The following NFIB variants were observed in gnomAD, a reference collection of about 807,000 sequenced individuals.
The protein encoded by NFIB is nuclear factor 1 B-type.
Under a neutral mutation model 61.5 loss-of-function variants are expected in NFIB, and 11 were observed. That is an observed-to-expected ratio of 0.18 (90% CI 0.11 to 0.30). The LOEUF is 0.30. Among genes scored for constraint, NFIB ranks in the 10% least tolerant of loss-of-function variants. NFIB has a pLI of 1.00. For missense variants in NFIB, 471 were observed against 608.9 expected (o/e 0.77, Z 2.38); for synonymous variants, 260 against 216.5 (o/e 1.20, Z -1.76).
upstream of NFIB, among the ~76,000 whole-genome samples, chr9:14,318,589 C>A (rs530145822): frequency 2.1e-5 from 3 of 145,472 alleles, no homozygotes; most frequent in African/African-American, 7.7e-5. Flanking sequence ...GGCTGCATCA[C>A]CAATATCAAT....
At chr9:14,275,707 T>C (rs2057952312) in intron 2 of NFIB, among the ~76,000 whole-genome samples, 2 of 152,222 alleles carry the variant, frequency 1.3e-5, no homozygotes, top group Middle Eastern at 6.8e-3. Flanking sequence ...TAAAACTAAG[T>C]CTGCAGGAGA....
the NFIB span, among the ~76,000 whole-genome samples, chr9:14,523,495 C>A: frequency 2.0e-5 from 3 of 151,986 alleles, no homozygotes; most frequent in Admixed American, 6.6e-5. Context: ...TGTTAAAATG[C>A]CAGCCCATGC....
chr9:14,141,902 C>CA (rs1207435536), intron 6 of NFIB, among the ~76,000 whole-genome samples: 9,899 of 53,722 alleles, frequency 0.18, 722 homozygotes, highest in South Asian at 0.25. Flanking sequence ...CTGCTGCTCA[C>CA]AAAAAAAAAA....
At position 14,155,943 on chromosome 9, in the gene NFIB, A is replaced by G. The variant is rs748269895; in HGVS notation, c.617-50T>C. 7.1e-6 allele frequency: 8 copies of G among 1,125,200 alleles called. No individual in the cohort carries two copies. In the African/African-American group the frequency reaches 1.1e-4, roughly 16 times the overall value. 69.7% of individuals were successfully genotyped at this position (1,125,200 alleles called of 1,614,324 possible). A position where few individuals can be genotyped will look rare whatever the true frequency, so the allele number is the denominator to read the frequency against. On this transcript the variant is annotated intron_variant, in intron 3 of 10. Coordinates refer to ENST00000380953, the MANE Select transcript of NFIB (RefSeq NM_001190737.2). ...ATGATCAATATAAGCAGAAAGTAAA[A>G]TAAATGATTATACACTAGAATTTAA...
intron 10 of NFIB, among the ~76,000 whole-genome samples, chr9:14,111,032 A>G (rs2037278105): frequency 6.6e-6 from 1 of 152,156 alleles, no homozygotes; most frequent in Non-Finnish European, 1.5e-5. Flanking sequence ...AGTATTAACT[A>G]TAGTTGACTG....
chr9:14,339,594 A>G (rs2060926170), intron 1 of NFIB, among the ~76,000 whole-genome samples: 1 of 152,184 alleles, frequency 6.6e-6, no homozygotes. Flanking sequence ...TGCAAATATC[A>G]TTAGCTATTG....
rs980945408 is a variant in NFIB, at chr9:14,314,092, T to C, written c.-581A>G. 3 of 1,042,294 alleles carry C rather than the reference T, an allele frequency of 2.9e-6. No individual in the cohort carries two copies. In the African/African-American group the frequency reaches 5.1e-5, roughly 18 times the overall value. 64.6% of individuals were successfully genotyped at this position (1,042,294 alleles called of 1,614,324 possible). ...CGGAGTGGTGATCGCAGGCGAAACT[T>C]TGCCGCGAGCCGACCATGTGTGTGC... is the stretch of plus-strand genomic sequence containing the variant. On this transcript the variant is annotated 5_prime_UTR_variant, in exon 1 of 11. Coordinates refer to ENST00000380953, the MANE Select transcript of NFIB (RefSeq NM_001190737.2).
At chr9:14,495,446 CTTT>C in the NFIB span, among the ~76,000 whole-genome samples, 3 of 117,246 alleles carry the variant, frequency 2.6e-5, no homozygotes, top group Non-Finnish European at 3.3e-5. Flanking sequence ...GAGAAATGAA[CTTT>C]TTTTTTTTTT....
intron 1 of NFIB, among the ~76,000 whole-genome samples, chr9:14,376,518 A>ATTTTT (rs35781223): frequency 2.3e-4 from 32 of 141,246 alleles, no homozygotes; most frequent in South Asian, 1.8e-3. Context: ...TAAAAGTGTC[A>ATTTTT]TTTTTTTTTT....
intron 3 of NFIB, among the ~76,000 whole-genome samples, chr9:14,173,449 T>C (rs1244945986): frequency 2.6e-5 from 4 of 152,076 alleles, no homozygotes; most frequent in African/African-American, 9.7e-5. Flanking sequence ...TCATATATTA[T>C]AATTATGTAT....
chr9:14,365,386 C>T (rs2061288524), intron 1 of NFIB, among the ~76,000 whole-genome samples: 1 of 152,182 alleles, frequency 6.6e-6, no homozygotes, highest in South Asian at 2.1e-4. Context: ...ATGTGTCTTC[C>T]CACACCCCAG....
chr9:14,499,321 G>T, the NFIB span, among the ~76,000 whole-genome samples: 1 of 152,096 alleles, frequency 6.6e-6, no homozygotes, highest in Non-Finnish European at 1.5e-5. Context: ...AGAGGACCCA[G>T]CCCAAGGAGA....
At chr9:14,299,935 T>C (rs963706272) in intron 2 of NFIB, among the ~76,000 whole-genome samples, 31 of 152,200 alleles carry the variant, frequency 2.0e-4, no homozygotes, top group African/African-American at 7.5e-4. Context: ...TCTTCCAATT[T>C]TCTGAATAAT....
chr9:14,218,973 CCTT>C (rs746837913), intron 2 of NFIB, among the ~76,000 whole-genome samples: 29 of 152,142 alleles, frequency 1.9e-4, no homozygotes, highest in Non-Finnish European at 4.4e-5. Flanking sequence ...CTCATGGTCT[CCTT>C]CTGGCTTTAA....
chr9:14,257,702 G>C (rs1300822617), intron 2 of NFIB, among the ~76,000 whole-genome samples: 2 of 152,162 alleles, frequency 1.3e-5, no homozygotes, highest in African/African-American at 4.8e-5. Flanking sequence ...GTTGTGGTGT[G>C]CCAAGATCGC....
In NFIB at chr9:14,313,471, G is replaced by A. The variant is rs747416245; in HGVS notation, c.30+11C>T. 7 of 1,613,676 alleles carry A rather than the reference G, an allele frequency of 4.3e-6. No individual in the cohort carries two copies. Among genetic ancestry groups the A allele is most frequent in the Non-Finnish European group, 5.9e-6 (7 of 1,179,780 alleles). ...AGAGAGAAAGCTCGAGAAAGCGACC[G>A]AGACATGTACCTGAGTGAGACAGAT... On this transcript the variant is annotated intron_variant, in intron 1 of 10. Coordinates refer to ENST00000380953, the MANE Select transcript of NFIB (RefSeq NM_001190737.2). This position sits in a 1 kb window ranked among gnomAD's most constrained non-coding sequence, Gnocchi z 4.5.
the NFIB span, among the ~76,000 whole-genome samples, chr9:14,423,046 C>A: frequency 6.8e-4 from 103 of 152,214 alleles, no homozygotes; most frequent in African/African-American, 2.2e-3. Flanking sequence ...ATTTCTATCT[C>A]TATTAGACCC....
At chr9:14,449,520 G>C in the NFIB span, among the ~76,000 whole-genome samples, 2 of 152,160 alleles carry the variant, frequency 1.3e-5, no homozygotes, top group African/African-American at 2.4e-5. Context: ...AAGCAATAGA[G>C]AATGCATGAG....
the NFIB span, among the ~76,000 whole-genome samples, chr9:14,425,607 A>ATTTTTTTTTTTTTTTTTTTTTT: frequency 6.1e-5 from 6 of 99,052 alleles, no homozygotes; most frequent in African/African-American, 1.9e-4. Flanking sequence ...TTGCTACATA[A>ATTTTTTTTTTTTTTTTTTTTTT]TTTTTTTTTT....
Sources: allele counts gnomAD v4.1 joint callset (sites outside exome capture counted in the v4.1 genomes callset), GRCh38; gene constraint gnomAD v4.1.1; non-coding constraint Gnocchi (gnomAD v3.1); transcripts MANE v1.5; gene names NCBI Gene and HGNC (gene_info 2026-07-23, HGNC 2026-07-21).